The following CAND2 variants were observed in gnomAD, a reference collection of about 807,000 sequenced individuals.
The protein encoded by CAND2 is cullin-associated NEDD8-dissociated protein 2.
A neutral mutation model predicts 98.9 loss-of-function variants in CAND2; 62 were observed. That is an observed-to-expected ratio of 0.63 (90% CI 0.51 to 0.77). CAND2 has a LOEUF of 0.77. Among genes scored for constraint, CAND2 ranks in the 30% least tolerant of loss-of-function variants. The pLI, the probability that CAND2 is intolerant of heterozygous loss-of-function variation, is 0.00. For synonymous variants in CAND2, 770 were observed against 731.9 expected, an observed-to-expected ratio of 1.05 and a Z score of -0.84; for missense variants, 1,501 against 1,655.2, an observed-to-expected ratio of 0.91 and a Z score of 1.62.
intron 2 of CAND2, 34 bp downstream of exon 2, chr3:12,803,665 GC>G: frequency 6.4e-7 from 1 of 1,552,088 alleles, no homozygotes; most frequent in Admixed American, 1.9e-5. Context: ...AGGAGAGGGG[GC>G]CCTACCTTGT....
At chr3:12,823,556 G>A (rs960817844) in intron 11 of CAND2, among the ~76,000 whole-genome samples, 2 of 152,090 alleles carry the variant, frequency 1.3e-5, no homozygotes, top group Admixed American at 6.6e-5. Context: ...GTGAAACCCC[G>A]TCTCTACTAA....
At position 12,834,636 on chromosome 3, in the gene CAND2, A is replaced by G. The variant is rs2062084694; in HGVS notation, c.*654A>G. The G allele has an allele frequency of 2.0e-5, 3 of 152,584 alleles. No homozygotes were observed. The highest frequency in any genetic ancestry group is 7.2e-5 in the African/African-American group (3 of 41,454). 9.5% of individuals were successfully genotyped at this position (152,584 alleles called of 1,614,324 possible). ...AATACTTATTAGCAAATTGGGCAACAATGGGCATCTTCCATGCCACCACCC... is the reference window on the plus strand; with the variant it reads ...AATACTTATTAGCAAATTGGGCAACGATGGGCATCTTCCATGCCACCACCC... On this transcript the variant is annotated 3_prime_UTR_variant, in exon 15 of 15. Coordinates refer to ENST00000456430, the MANE Select transcript of CAND2 (RefSeq NM_001162499.2).
chr3:12,817,152 G>T lies in CAND2; in HGVS notation c.2220G>T (p.Leu740=). The T allele has an allele frequency of 6.2e-7, 1 of 1,612,616 alleles. No homozygotes were observed. The highest frequency in any genetic ancestry group is 8.5e-7 in the Non-Finnish European group (1 of 1,179,914). ...VEVSGPVLSE[L]LRLLRSPLLP... is the part of the protein sequence containing the mutation. ...TCAGTGGCCCTGTGCTCTCAGAGCT[G>T]CTGCGGCTGCTGCGTTCGCCCCTGT... Residue 740 remains leucine, a synonymous_variant, in exon 10 of 15, where the codon CTG becomes CTT. Transcript: ENST00000456430.
At chr3:12,828,012 T>C (rs531619008) in intron 13 of CAND2, among the ~76,000 whole-genome samples, 7 of 151,500 alleles carry the variant, frequency 4.6e-5, no homozygotes, top group South Asian at 4.2e-4. Context: ...CCAGACGAAA[T>C]TTTTGACCCT....
intron 11 of CAND2, among the ~76,000 whole-genome samples, chr3:12,821,720 C>G (rs1559556610): frequency 6.6e-6 from 1 of 152,164 alleles, no homozygotes; most frequent in Non-Finnish European, 1.5e-5. Context: ...ACACTAGGCC[C>G]TTTAATATAC....
chr3:12,820,177 C>A lies in CAND2; in HGVS notation c.3036C>A (p.Phe1012Leu). Residue 1012 changes from phenylalanine (F) to leucine (L), a missense_variant, in exon 11 of 15, where the codon TTC becomes TTA. Coordinates refer to ENST00000456430, the MANE Select transcript of CAND2 (RefSeq NM_001162499.2). ...PHPIDPLLKS[F>L]IGEFMESLQD... is the part of the protein sequence containing the mutation. ...CCATTGACCCCCTCCTGAAGAGCTTCATCGGTGAGCACCTACCTCTTGCCC... is the reference window on the plus strand; with the variant it reads ...CCATTGACCCCCTCCTGAAGAGCTTAATCGGTGAGCACCTACCTCTTGCCC... 6.2e-7 allele frequency: 1 copy of A among 1,612,378 alleles called. No homozygotes were observed. The highest frequency in any genetic ancestry group is 8.5e-7 in the Non-Finnish European group (1 of 1,178,450).
At chr3:12,812,406 T>G (rs1482442004) in intron 5 of CAND2, among the ~76,000 whole-genome samples, 2 of 126,906 alleles carry the variant, frequency 1.6e-5, no homozygotes, top group Non-Finnish European at 1.7e-5. Flanking sequence ...TTTTTTTTTT[T>G]TTTTTTTTTG....
intron 3 of CAND2, 53 bp from the exon 4 acceptor site, chr3:12,808,157 C>T (rs2061821660): frequency 1.3e-6 from 2 of 1,544,852 alleles, no homozygotes; most frequent in Admixed American, 2.0e-5. Context: ...GTGGTGGAGG[C>T]TGCCTTTCCC....
intron 11 of CAND2, among the ~76,000 whole-genome samples, chr3:12,820,438 G>A (rs574848598): frequency 9.2e-5 from 14 of 152,338 alleles, no homozygotes; most frequent in South Asian, 8.3e-4. Flanking sequence ...TCAAATGGGC[G>A]TGAGAAACTC....
intron 11 of CAND2, among the ~76,000 whole-genome samples, chr3:12,821,694 C>T (rs2061958254): frequency 6.6e-6 from 1 of 152,196 alleles, no homozygotes; most frequent in East Asian, 1.9e-4. Flanking sequence ...TGAGCTCTCA[C>T]TGTGTATCAG....
intron 10 of CAND2, among the ~76,000 whole-genome samples, chr3:12,819,239 G>A (rs80274627): frequency 0.024 from 3,660 of 152,304 alleles, 150 homozygotes; most frequent in African/African-American, 0.081. Flanking sequence ...GGTAAAAGCT[G>A]AAAGTCTGAA....
At position 12,833,770 on chromosome 3, in the gene CAND2, G is replaced by A. The variant is rs1282303798; in HGVS notation, c.3499G>A (p.Val1167Met). ...CCTACTTTAGGTCAAAGCTGGTTCT[G>A]TGAAGCAGGAGTTTGAAAAGCAAGA... ...TCTAKVKAGS[V>M]KQEFEKQDEL... The change falls in exon 15 of 15, where the codon GTG becomes ATG. Residue 1167 changes from valine to methionine, a missense_variant. This residue lies in a region of CAND2 where 1,427 missense variants were observed against 1,545.3 expected (regional missense o/e 0.92). Coordinates refer to ENST00000456430, the MANE Select transcript of CAND2 (RefSeq NM_001162499.2). 1 of 1,613,886 alleles carries A rather than the reference G, an allele frequency of 6.2e-7. No individual in the cohort carries two copies. Among genetic ancestry groups the A allele is most frequent in the Non-Finnish European group, 8.5e-7 (1 of 1,179,882 alleles).
Position 12,817,581 on chromosome 3 carries a change from T to C in CAND2, c.2649T>C (p.Tyr883=). 1.2e-6 allele frequency: 2 copies of C among 1,613,928 alleles called. No homozygotes were observed. Among genetic ancestry groups the C allele is most frequent in the Non-Finnish European group, 1.7e-6 (2 of 1,180,016 alleles). The part of the protein sequence containing the change: ...PSEDVRAAAS[Y]ALGRVGAGSL... The stretch of plus-strand genomic sequence containing the variant: ...AGGATGTGAGGGCTGCAGCCTCGTA[T>C]GCACTGGGCCGTGTGGGTGCTGGCA... The change falls in exon 10 of 15, where the codon TAT becomes TAC. Residue 883 remains tyrosine (Y), a synonymous_variant. Coordinates refer to ENST00000456430, the MANE Select transcript of CAND2 (RefSeq NM_001162499.2).
At chr3:12,808,967 GGTGA>G (rs2061828981) in intron 4 of CAND2, among the ~76,000 whole-genome samples, 2 of 152,128 alleles carry the variant, frequency 1.3e-5, no homozygotes, top group Admixed American at 6.5e-5. Context: ...ATGGGGCAGG[GGTGA>G]GTATTTGTGT....
In CAND2 at chr3:12,825,516, T is replaced by C. The variant is rs1488917230; in HGVS notation, c.3087T>C (p.Arg1029=). 1.9e-6 allele frequency: 3 copies of C among 1,590,202 alleles called. No individual in the cohort carries two copies. The highest frequency in any genetic ancestry group is 2.6e-6 in the Non-Finnish European group (3 of 1,168,068). Reference sequence around the variant, plus strand: ...AGGACCCAGACCTGAACGTGCGCCGTGCGACTCTGGCTTTCTTCAACTCAG... The same window carrying C: ...AGGACCCAGACCTGAACGTGCGCCGCGCGACTCTGGCTTTCTTCAACTCAG... ...SLQDPDLNVR[R]ATLAFFNSAV... The change falls in exon 12 of 15, where the codon CGT becomes CGC. Residue 1029 remains arginine, a synonymous_variant. Coordinates refer to ENST00000456430, the MANE Select transcript of CAND2 (RefSeq NM_001162499.2).
At position 12,817,092 on chromosome 3, in the gene CAND2, A is replaced by T. The variant is rs774836574; in HGVS notation, c.2160A>T (p.Thr720=). 1.2e-6 allele frequency: 2 copies of T among 1,612,952 alleles called. No homozygotes were observed. Among genetic ancestry groups the T allele is most frequent in the Non-Finnish European group, 8.5e-7 (1 of 1,179,976 alleles). The part of the protein sequence containing the change: ...VAQLAVDFLA[T]VTQAQPASLV... The stretch of plus-strand genomic sequence containing the variant: ...AGCTGGCTGTGGACTTCCTTGCCAC[A>T]GTGACCCAGGCCCAGCCAGCCTCTT... Residue 720 remains threonine (T), a synonymous_variant, in exon 10 of 15, where the codon ACA becomes ACT. Coordinates refer to ENST00000456430, the MANE Select transcript of CAND2 (RefSeq NM_001162499.2).
Position 12,810,067 on chromosome 3 carries a change from T to C in CAND2, c.500T>C (p.Val167Ala). 7.0e-7 allele frequency: 1 copy of C among 1,424,936 alleles called. No homozygotes were observed. Among genetic ancestry groups the C allele is most frequent in the Non-Finnish European group, 9.2e-7 (1 of 1,090,078 alleles). The allele number at this position is 1,424,936 out of a possible 1,614,324, so 88.3% of individuals were successfully genotyped here. Residue 167 changes from valine (V) to alanine (A), a missense_variant, in exon 5 of 15, where the codon GTC (valine) becomes GCC (alanine). Transcript: ENST00000456430. ...CCCCTCGTGCTCCCCAGGCTGGGTG[T>C]CCCGCTGGGCGCCTTCCACGCCAGC... is the stretch of plus-strand genomic sequence containing the variant. ...ILSDMLSRLG[V>A]PLGAFHASLL... is the part of the protein sequence containing the mutation.
chr3:12,820,076 T>C lies in CAND2; in HGVS notation c.2945-10T>C, dbSNP rs775007360. ...TGCCCCTCACTAACTCACCTCTTCT[T>C]GTCCTGCAGGTCGGCCACACACCCG... On this transcript the variant is annotated splice_polypyrimidine_tract_variant and intron_variant, in intron 10 of 14. Transcript: ENST00000456430. The C allele has an allele frequency of 1.1e-5, 18 of 1,612,792 alleles. No homozygotes were observed. Among genetic ancestry groups the C allele is most frequent in the African/African-American group, 6.7e-5 (5 of 74,890 alleles).
Position 12,816,886 on chromosome 3 carries a change from G to A in CAND2, c.1954G>A (p.Glu652Lys), listed in dbSNP as rs755932293. The change falls in exon 10 of 15, where the codon GAG becomes AAG. Residue 652 changes from glutamate to lysine, a missense_variant. Glu to Lys is a moderately conservative substitution (Grantham distance 56, BLOSUM62 1). Transcript: ENST00000456430. ...GCTTGACCTACAGCCCATCCTGGCC[G>A]AGGCACTGCACATTCTGGCCTCATT... Reference protein sequence around the residue: ...LQLDLQPILAEALHILASFLR... With the variant: ...LQLDLQPILAKALHILASFLR... 9 of 1,613,890 alleles carry A rather than the reference G, an allele frequency of 5.6e-6. No individual in the cohort carries two copies. The highest frequency in any genetic ancestry group is 3.3e-5 in the South Asian group (3 of 91,082).
Sources: allele counts gnomAD v4.1 joint callset (sites outside exome capture counted in the v4.1 genomes callset), GRCh38; gene constraint gnomAD v4.1.1; regional missense constraint gnomAD v4.1.1; transcripts MANE v1.5; gene names NCBI Gene and HGNC (gene_info 2026-07-23, HGNC 2026-07-21).